The following PPME1 variants were observed in gnomAD, a reference collection of about 807,000 sequenced individuals.
The protein encoded by PPME1 is testicular secretory protein Li 39.
Under a neutral mutation model 56.9 loss-of-function variants are expected in PPME1, and 17 were observed. That is an observed-to-expected ratio of 0.30 (90% CI 0.20 to 0.45). PPME1 has a LOEUF of 0.45. PPME1 is among the 20% of genes least tolerant of loss of function. PPME1 has a pLI of 1.00. For synonymous variants in PPME1, 122 were observed against 156.2 expected (o/e 0.78, Z 1.63); for missense variants, 357 against 483.2 (o/e 0.74, Z 2.45).
chr11:74,245,965 C>CGAGA, intron 9 of PPME1, 111 bp from the exon 10 acceptor site: 11 of 1,260,992 alleles, frequency 8.7e-6, no homozygotes, highest in Non-Finnish European at 1.1e-5. Context: ...CTTAGTAGGT[C>CGAGA]CTTAATAAGT....
intron 1 of PPME1, among the ~76,000 whole-genome samples, chr11:74,183,809 T>G (rs1437750023): frequency 6.6e-6 from 1 of 152,208 alleles, no homozygotes; most frequent in Non-Finnish European, 1.5e-5. Flanking sequence ...TGTAAACTCC[T>G]TTTGTATGTT....
intron 8 of PPME1, 140 bp from the exon 9 acceptor site, chr11:74,238,993 G>A: frequency 1.2e-6 from 1 of 849,942 alleles, no homozygotes; most frequent in Non-Finnish European, 1.8e-6. Flanking sequence ...CCCTGGAAAT[G>A]CACAATTCTA....
In PPME1 at chr11:74,230,172, G is replaced by T; in HGVS notation, c.399-73G>T. 1 of 1,490,010 alleles carries T rather than the reference G, an allele frequency of 6.7e-7. No homozygotes were observed. The highest frequency in any genetic ancestry group is 1.3e-5 in the South Asian group (1 of 76,088). The allele number at this position is 1,490,010 out of a possible 1,614,324, so 92.3% of individuals were successfully genotyped here. On this transcript the variant is annotated intron_variant, in intron 5 of 13. Transcript: ENST00000328257. This position sits in a 1 kb window ranked among gnomAD's most constrained non-coding sequence, Gnocchi z 4.9. ...CAGCACTGTTACACACCAAAGAAAGGAACTGGGAAAGAAAACCATTTTTAC... is the reference window on the plus strand; with the variant it reads ...CAGCACTGTTACACACCAAAGAAAGTAACTGGGAAAGAAAACCATTTTTAC...
chr11:74,184,381 A>C (rs1857616940), intron 1 of PPME1, among the ~76,000 whole-genome samples: 1 of 152,208 alleles, frequency 6.6e-6, no homozygotes, highest in Non-Finnish European at 1.5e-5. Context: ...TACTCATAGA[A>C]TTTACCAATA....
intron 1 of PPME1, among the ~76,000 whole-genome samples, chr11:74,194,313 A>G (rs1857923672): frequency 6.6e-6 from 1 of 152,006 alleles, no homozygotes; most frequent in Non-Finnish European, 1.5e-5. Context: ...AAGGTTTCCT[A>G]CTGGGCTCCG....
At chr11:74,181,340 G>A (rs1443751555) in intron 1 of PPME1, among the ~76,000 whole-genome samples, 7 of 152,084 alleles carry the variant, frequency 4.6e-5, no homozygotes, top group Admixed American at 1.3e-4. Context: ...GAGCCACCGC[G>A]CCCGGCCCAC....
At chr11:74,232,842 G>C (rs902974802) in intron 7 of PPME1, among the ~76,000 whole-genome samples, 1 of 148,190 alleles carries the variant, frequency 6.7e-6, no homozygotes, top group African/African-American at 2.5e-5. Context: ...ACGATGCCCA[G>C]CTAATTTTTG....
intron 1 of PPME1, among the ~76,000 whole-genome samples, chr11:74,175,831 T>C (rs1208531375): frequency 2.6e-5 from 4 of 152,222 alleles, no homozygotes; most frequent in Non-Finnish European, 5.9e-5. Flanking sequence ...ACTGAAATGT[T>C]CATTGACTTG....
intron 7 of PPME1, among the ~76,000 whole-genome samples, chr11:74,233,837 A>G (rs1859127399): frequency 6.6e-6 from 1 of 152,178 alleles, no homozygotes; most frequent in African/African-American, 2.4e-5. Context: ...AAAACAAAAA[A>G]GTTAGGGGAA....
chr11:74,246,501 G>A (rs1002721914), intron 10 of PPME1, among the ~76,000 whole-genome samples: 2 of 152,146 alleles, frequency 1.3e-5, no homozygotes, highest in African/African-American at 4.8e-5. Flanking sequence ...ATGACCTGAG[G>A]TTACGTCCTT....
At chr11:74,242,003 T>G (rs1330164756) in intron 9 of PPME1, among the ~76,000 whole-genome samples, 2 of 152,240 alleles carry the variant, frequency 1.3e-5, no homozygotes, top group Admixed American at 1.3e-4. Flanking sequence ...TATTTTTCTT[T>G]TTGTCCCTTG....
chr11:74,253,261 C>T (rs1220539756), intron 13 of PPME1, among the ~76,000 whole-genome samples: 1 of 152,128 alleles, frequency 6.6e-6, no homozygotes, highest in African/African-American at 2.4e-5. Context: ...GACTTAATTT[C>T]TCTTACTAAA....
intron 1 of PPME1, among the ~76,000 whole-genome samples, chr11:74,193,863 A>C (rs990258368): frequency 5.3e-5 from 8 of 152,054 alleles, no homozygotes; most frequent in Non-Finnish European, 8.8e-5. Context: ...TTTATATTGT[A>C]TTTGATAATT....
At chr11:74,247,239 C>A in intron 11 of PPME1, 116 bp downstream of exon 11, 1 of 809,258 alleles carries the variant, frequency 1.2e-6, no homozygotes, top group South Asian at 1.8e-5. Flanking sequence ...AGAGTCCGAC[C>A]CAAGTTGGAC....
chr11:74,218,771 A>T (rs1565387515), intron 3 of PPME1, among the ~76,000 whole-genome samples: 1 of 152,196 alleles, frequency 6.6e-6, no homozygotes, highest in Non-Finnish European at 1.5e-5. Context: ...AAAGACTCAA[A>T]CTATGAAAGT....
chr11:74,186,464 C>T (rs933956475), intron 1 of PPME1, among the ~76,000 whole-genome samples: 1 of 152,108 alleles, frequency 6.6e-6, no homozygotes, highest in Non-Finnish European at 1.5e-5. Flanking sequence ...CCCTGAGAGT[C>T]AGATTCTAGC....
At chr11:74,205,096 G>A (rs1206714253) in intron 3 of PPME1, 4 of 152,120 alleles carry the variant, frequency 2.6e-5, no homozygotes, top group Non-Finnish European at 5.9e-5. Flanking sequence ...TTATTTAGGT[G>A]CTTTAGATAA....
intron 1 of PPME1, among the ~76,000 whole-genome samples, chr11:74,175,456 G>A (rs1050880068): frequency 7.9e-5 from 12 of 152,096 alleles, no homozygotes; most frequent in Middle Eastern, 6.8e-3. Context: ...AGCCGAGATC[G>A]CGCCATTGCA....
chr11:74,214,279 CA>C (rs1858560733), intron 3 of PPME1, among the ~76,000 whole-genome samples: 1 of 151,892 alleles, frequency 6.6e-6, no homozygotes, highest in South Asian at 2.1e-4. Flanking sequence ...TGAATATACA[CA>C]AAGGAGACAA....
Sources: gnomAD v4.1 joint callset for allele counts (sites outside exome capture counted in the v4.1 genomes callset) on GRCh38, gnomAD v4.1.1 for gene constraint, Gnocchi (gnomAD v3.1) non-coding constraint, MANE v1.5 for transcripts, NCBI Gene and HGNC (gene_info 2026-07-23, HGNC 2026-07-21) for gene names.